Variants in PRLR observed in about 807,000 individuals in gnomAD.
The protein encoded by PRLR is prolactin receptor.
PRLR carries 13 observed loss-of-function variants against 40.2 expected under a neutral mutation model. The ratio of observed to expected loss-of-function variants is 0.32; its 90% CI spans 0.21 to 0.51. PRLR has a LOEUF of 0.51. PRLR is among the 20% of genes least tolerant of loss of function. PRLR has a pLI of 0.97. For missense variants in PRLR, 656 were observed against 747.3 expected (o/e 0.88, Z 1.42); for synonymous variants, 269 against 278.7 (o/e 0.97, Z 0.35).
chr5:35,138,158 T>C (rs768127349), intron 1 of PRLR, among the ~76,000 whole-genome samples: 2 of 152,206 alleles, frequency 1.3e-5, no homozygotes, highest in Admixed American at 1.3e-4. Context: ...AAGGGCTGCA[T>C]AGCTAAGAGC....
At chr5:35,118,959 G>A (rs954719563) in intron 1 of PRLR, among the ~76,000 whole-genome samples, 5 of 151,944 alleles carry the variant, frequency 3.3e-5, no homozygotes, top group Admixed American at 3.3e-4. Context: ...TACACCTGGC[G>A]AAGTTTTTGT....
At chr5:35,131,343 G>A (rs1773664332) in intron 1 of PRLR, among the ~76,000 whole-genome samples, 1 of 152,146 alleles carries the variant, frequency 6.6e-6, no homozygotes, top group Non-Finnish European at 1.5e-5. Context: ...TCAAGAGGCT[G>A]AAGAAGAGAT....
At chr5:35,218,726 C>T (rs1283833439) in intron 1 of PRLR, among the ~76,000 whole-genome samples, 2 of 151,942 alleles carry the variant, frequency 1.3e-5, no homozygotes, top group African/African-American at 4.8e-5. Context: ...GGAAAGAAGC[C>T]ACCAGAATTT....
At chr5:35,139,155 G>A (rs1376611505) in intron 1 of PRLR, among the ~76,000 whole-genome samples, 1 of 152,030 alleles carries the variant, frequency 6.6e-6, no homozygotes, top group Non-Finnish European at 1.5e-5. Flanking sequence ...TATTTTTTGA[G>A]ATGGAGTCTC....
chr5:35,054,549 C>T (rs1336515426), downstream of PRLR, among the ~76,000 whole-genome samples: 4 of 152,006 alleles, frequency 2.6e-5, no homozygotes, highest in African/African-American at 9.7e-5. Flanking sequence ...ATTACAGCAG[C>T]TATATGCATA....
At position 35,180,588 on chromosome 5, in the gene PRLR, C is replaced by CT. The variant is rs896948947; in HGVS notation, c.-106+49679dup. On this transcript the variant is annotated intron_variant, in intron 1 of 9. Coordinates refer to ENST00000618457, the MANE Select transcript of PRLR (RefSeq NM_000949.7). ...AACCTCTTTTCTTTTCTTTTCCCCC[C>CT]TTTTTTTTTTATTATACTTTAAATT... 6.9e-3 allele frequency among the ~76,000 whole-genome samples: 1,039 copies of CT among 150,234 alleles called. 15 individuals carry two copies. The highest frequency in any genetic ancestry group is 0.024 in the African/African-American group (970 of 40,918).
At chr5:35,195,369 G>C (rs1018144175) in intron 1 of PRLR, 2 of 152,282 alleles carry the variant, frequency 1.3e-5, no homozygotes, top group African/African-American at 4.8e-5. Flanking sequence ...GGCCTTTTAA[G>C]TTAATACGCT....
At chr5:35,093,344 C>A (rs1201285538) in intron 2 of PRLR, among the ~76,000 whole-genome samples, 1 of 152,208 alleles carries the variant, frequency 6.6e-6, no homozygotes. Flanking sequence ...CTCTGCAATA[C>A]CCTCTCTTAG....
intron 2 of PRLR, among the ~76,000 whole-genome samples, chr5:35,103,115 G>T (rs565370929): frequency 1.3e-5 from 2 of 152,248 alleles, no homozygotes; most frequent in East Asian, 3.9e-4. Context: ...TATCTATTTT[G>T]CTCAAAAACC....
intron 1 of PRLR, among the ~76,000 whole-genome samples, chr5:35,227,084 G>A (rs1292630347): frequency 6.6e-6 from 1 of 152,222 alleles, no homozygotes; most frequent in Non-Finnish European, 1.5e-5. Context: ...ACCTGCTAAT[G>A]TTGGATATTG....
intron 1 of PRLR, among the ~76,000 whole-genome samples, chr5:35,182,387 T>C (rs1262092785): frequency 2.0e-5 from 3 of 152,172 alleles, no homozygotes; most frequent in African/African-American, 7.2e-5. Context: ...ACTGTTAGTG[T>C]TATAAACAAG....
Sources: allele counts gnomAD v4.1 joint callset (sites outside exome capture counted in the v4.1 genomes callset), GRCh38; gene constraint gnomAD v4.1.1; transcripts MANE v1.5; gene names NCBI Gene and HGNC (gene_info 2026-07-23, HGNC 2026-07-21).